The following COMMD8 variants were observed in gnomAD, a reference collection of about 807,000 sequenced individuals.
COMMD8 encodes the protein COMM domain-containing protein 8.
COMMD8 carries 28 observed loss-of-function variants against 27.2 expected under a neutral mutation model. The observed-to-expected ratio is 1.03, with a 90% confidence interval of 0.76 to 1.41. The LOEUF is 1.41. Ranked by LOEUF, COMMD8 falls within the 40% of genes most tolerant of loss-of-function variation. COMMD8 has a pLI of 0.00. For missense variants in COMMD8, 217 were observed against 211.2 expected (o/e 1.03, Z -0.17); for synonymous variants, 79 against 75.5 (o/e 1.05, Z -0.24).
chr4:47,456,853 AAAAAGAGT>A (rs771838805), intron 2 of COMMD8, 124 bp from the exon 3 acceptor site: 161 of 674,176 alleles, frequency 2.4e-4, no homozygotes, highest in Non-Finnish European at 3.3e-4. Context: ...TGTAACTATA[AAAAAGAGT>A]AAGATGAGAA....
intron 4 of COMMD8, among the ~76,000 whole-genome samples, chr4:47,452,469 C>T (rs1729776867): frequency 6.6e-6 from 1 of 152,046 alleles, no homozygotes. Context: ...TTATTTTTAT[C>T]ATTAACGAGC....
chr4:47,452,846 A>C (rs902344222), intron 4 of COMMD8, among the ~76,000 whole-genome samples: 4 of 152,260 alleles, frequency 2.6e-5, no homozygotes, highest in Non-Finnish European at 2.9e-5. Flanking sequence ...AAATACAAAA[A>C]TTAGCCAGGC....
At chr4:47,451,793 G>A (rs989410809) in intron 4 of COMMD8, 128 bp from the exon 5 acceptor site, 10 of 616,250 alleles carry the variant, frequency 1.6e-5, no homozygotes, top group Non-Finnish European at 2.8e-5. Flanking sequence ...ACAATGCACA[G>A]TAACTGATGA....
At chr4:47,456,541 A>G (rs1179361123) in intron 3 of COMMD8, 36 bp downstream of exon 3, 1 of 1,475,670 alleles carries the variant, frequency 6.8e-7, no homozygotes, top group South Asian at 1.4e-5. Context: ...TATCCAAAAA[A>G]TGAAATAAAA....
intron 3 of COMMD8, among the ~76,000 whole-genome samples, chr4:47,454,709 T>C (rs1002530793): frequency 6.6e-6 from 1 of 151,230 alleles, no homozygotes; most frequent in Non-Finnish European, 1.5e-5. Flanking sequence ...CTATTAAAAA[T>C]ACAAAATTAG....
intron 4 of COMMD8, among the ~76,000 whole-genome samples, chr4:47,452,541 T>C (rs751908118): frequency 7.2e-6 from 1 of 139,778 alleles, no homozygotes; most frequent in Non-Finnish European, 1.5e-5. Flanking sequence ...AATTACTTAG[T>C]ACATTATGTT....
intron 1 of COMMD8, 24 bp downstream of exon 1, chr4:47,463,562 G>T (rs1389368863): frequency 1.9e-6 from 3 of 1,539,028 alleles, no homozygotes; most frequent in Admixed American, 2.0e-5. Context: ...GCCCCGCGCC[G>T]CTTCCCCCGG....
chr4:47,461,758 AC>A (rs1730032422), intron 1 of COMMD8, among the ~76,000 whole-genome samples: 1 of 152,206 alleles, frequency 6.6e-6, no homozygotes, highest in Non-Finnish European at 1.5e-5. Context: ...GATCCTCACT[AC>A]AACTCTGAAG....
At chr4:47,452,386 T>C (rs1280177062) in intron 4 of COMMD8, among the ~76,000 whole-genome samples, 1 of 152,174 alleles carries the variant, frequency 6.6e-6, no homozygotes, top group East Asian at 1.9e-4. Flanking sequence ...ATAAAGCCAC[T>C]TTTTTTAGGA....
intron 2 of COMMD8, among the ~76,000 whole-genome samples, chr4:47,458,723 A>G (rs1324622336): frequency 6.6e-6 from 1 of 152,118 alleles, no homozygotes; most frequent in Non-Finnish European, 1.5e-5. Flanking sequence ...CTGAAGAAGC[A>G]TGAGAATGAA....
intron 4 of COMMD8, among the ~76,000 whole-genome samples, chr4:47,452,189 T>G (rs948900623): frequency 6.6e-6 from 1 of 152,222 alleles, no homozygotes; most frequent in Non-Finnish European, 1.5e-5. Context: ...TAAGTATTAT[T>G]TTTCTCATTT....
At chr4:47,463,485 G>A in intron 1 of COMMD8, 101 bp downstream of exon 1, 2 of 1,119,690 alleles carry the variant, frequency 1.8e-6, no homozygotes, top group Non-Finnish European at 2.5e-6. Flanking sequence ...CCCTTCCCTA[G>A]GGAGCTTGCG....
intron 2 of COMMD8, among the ~76,000 whole-genome samples, chr4:47,459,153 A>G (rs1455666477): frequency 6.6e-6 from 1 of 152,130 alleles, no homozygotes; most frequent in Non-Finnish European, 1.5e-5. Flanking sequence ...GACAAAGTAG[A>G]TCTGTTAAAT....
Position 47,460,424 on chromosome 4 carries a change from T to C in COMMD8, c.67-125A>G, listed in dbSNP as rs1248649418. ...TGCAAGACCAGCTTAAGTTAAAATG[T>C]ATAAACCACTTTTAAGATTATTCTA... On this transcript the variant is annotated intron_variant, in intron 1 of 4. Transcript: ENST00000381571. 7.1e-6 allele frequency: 5 copies of C among 704,152 alleles called. No individual in the cohort carries two copies. In the Middle Eastern group the frequency reaches 1.1e-3, roughly 148 times the overall value. 43.6% of individuals were successfully genotyped at this position (704,152 alleles called of 1,614,324 possible).
rs540485319 is a variant in COMMD8 at position 47,460,068 on chromosome 4, T to C, written c.222+76A>G. On this transcript the variant is annotated intron_variant, in intron 2 of 4. Coordinates refer to ENST00000381571, the MANE Select transcript of COMMD8 (RefSeq NM_017845.5). ...GTTACTGATGATAGCCCTTGTATTATACATTGCTCTAAAAAACTCAGAGAG... is the reference window on the plus strand; with the variant it reads ...GTTACTGATGATAGCCCTTGTATTACACATTGCTCTAAAAAACTCAGAGAG... The C allele has an allele frequency of 1.0e-5, 12 of 1,201,984 alleles. No homozygotes were observed. The East Asian group carries it at 2.1e-4, about 21-fold the overall frequency. 74.5% of individuals were successfully genotyped at this position (1,201,984 alleles called of 1,614,324 possible).
intron 2 of COMMD8, among the ~76,000 whole-genome samples, chr4:47,457,970 AT>A (rs1409950994): frequency 6.6e-6 from 1 of 152,088 alleles, no homozygotes; most frequent in East Asian, 1.9e-4. Context: ...AGTGGGGTTT[AT>A]TTTGGCAGTG....
chr4:47,455,012 T>C (rs1288942159), intron 3 of COMMD8, among the ~76,000 whole-genome samples: 1 of 151,988 alleles, frequency 6.6e-6, no homozygotes, highest in Admixed American at 6.6e-5. Context: ...TTATCCTTTA[T>C]TTATTTATTT....
intron 2 of COMMD8, among the ~76,000 whole-genome samples, chr4:47,459,417 T>C (rs1729965741): frequency 1.3e-5 from 2 of 152,098 alleles, no homozygotes; most frequent in Non-Finnish European, 2.9e-5. Flanking sequence ...CTTCAAGATA[T>C]CTACCCCAGA....
intron 1 of COMMD8, among the ~76,000 whole-genome samples, chr4:47,461,543 C>A (rs1025679044): frequency 9.2e-5 from 14 of 151,730 alleles, no homozygotes; most frequent in Non-Finnish European, 2.1e-4. Flanking sequence ...AGAACTCAAA[C>A]TGAAAAATAA....
Sources: gnomAD v4.1 joint callset for allele counts (sites outside exome capture counted in the v4.1 genomes callset) on GRCh38, gnomAD v4.1.1 for gene constraint, MANE v1.5 for transcripts, NCBI Gene and HGNC (gene_info 2026-07-23, HGNC 2026-07-21) for gene names.